Variants in NAV2 observed in about 807,000 individuals in gnomAD.
NAV2 encodes the protein neuron navigator 2.
In NAV2, 54 loss-of-function variants were observed where a neutral mutation model predicts 223.2. The observed-to-expected ratio is 0.24, with a 90% confidence interval of 0.19 to 0.30. The LOEUF (loss-of-function observed/expected upper bound fraction) is 0.30. Ranked by LOEUF, NAV2 falls within the 10% of genes least tolerant of loss-of-function variation. The probability of loss-of-function intolerance (pLI) is 1.00; values close to 1 mark genes in which losing one functional copy is unlikely to be tolerated. For synonymous variants in NAV2, 1,279 were observed against 1,239.3 expected (o/e 1.03, Z -0.67); for missense variants, 2,806 against 3,147.5 (o/e 0.89, Z 2.60).
chr11:19,600,837 CT>C (rs2046332388), intron 1 of NAV2, among the ~76,000 whole-genome samples: 1 of 152,186 alleles, frequency 6.6e-6, no homozygotes, highest in Admixed American at 6.5e-5. Flanking sequence ...CAAGGAGGTT[CT>C]TAGCTGAAGG....
At chr11:19,478,612 A>T (rs1441965127) in intron 1 of NAV2, among the ~76,000 whole-genome samples, 4 of 152,226 alleles carry the variant, frequency 2.6e-5, no homozygotes, top group African/African-American at 7.2e-5. Flanking sequence ...TGCTTCTGCA[A>T]ATACAAAGAT....
intron 1 of NAV2, among the ~76,000 whole-genome samples, chr11:19,543,386 G>A (rs961275044): frequency 2.6e-5 from 4 of 152,140 alleles, no homozygotes; most frequent in South Asian, 2.1e-4. Context: ...GTCAACCAAC[G>A]TAACAGTAAT....
rs143102680 is a variant in NAV2, at chr11:19,816,740, T to C, written c.268-15744T>C. Among the ~76,000 whole-genome samples, 218 of 152,342 alleles carry C rather than the reference T, an allele frequency of 1.4e-3. 1 individual carries two copies. The highest frequency in any genetic ancestry group is 4.9e-3 in the African/African-American group (202 of 41,574). ...CAGGGTTTAAACATTTTGCAATTGA[T>C]CATTCTGAGGTCAGTGCTTTATGGT... On this transcript the variant is annotated intron_variant, in intron 1 of 37. Transcript: ENST00000349880.
chr11:20,094,147 A>G (rs1012861282), intron 29 of NAV2, among the ~76,000 whole-genome samples: 4 of 151,300 alleles, frequency 2.6e-5, no homozygotes, highest in African/African-American at 9.7e-5. Context: ...TATATAGTAG[A>G]TAGCTCCGTT....
chr11:19,920,391 G>C (rs56758426), intron 6 of NAV2, among the ~76,000 whole-genome samples: 1 of 152,098 alleles, frequency 6.6e-6, no homozygotes, highest in Admixed American at 6.5e-5. Context: ...AGGTTCAAGC[G>C]ATTCCCCTGC....
At chr11:20,113,347 A>G (rs568533381) in intron 36 of NAV2, among the ~76,000 whole-genome samples, 1 of 152,294 alleles carries the variant, frequency 6.6e-6, no homozygotes, top group Non-Finnish European at 1.5e-5. Context: ...GCCTATACCT[A>G]GCTGTGTAAT....
rs553773073 is a variant in NAV2, at chr11:20,090,088, A to G, written c.5499-777A>G. Among the ~76,000 whole-genome samples, 5 of 152,324 alleles carry G rather than the reference A, an allele frequency of 3.3e-5. No homozygotes were observed. In the East Asian group the frequency reaches 7.7e-4, roughly 24 times the overall value. On this transcript the variant is annotated intron_variant, in intron 26 of 37. Transcript: ENST00000349880. ...CTAAAGAAGGTTGATCTGTCTAGAC[A>G]CTTTTAGGGGAGTGAGTTTTCAGAA...
chr11:19,703,855 T>A (rs887827196), intron 1 of NAV2, among the ~76,000 whole-genome samples: 7 of 152,222 alleles, frequency 4.6e-5, no homozygotes, highest in African/African-American at 1.7e-4. Flanking sequence ...TCTGATTTCA[T>A]TGGTCCAGGG....
chr11:19,472,850 G>A (rs1449112910), intron 1 of NAV2, among the ~76,000 whole-genome samples: 1 of 152,208 alleles, frequency 6.6e-6, no homozygotes, highest in Admixed American at 6.5e-5. Context: ...GCCTGGTGCT[G>A]TCTACTCACA....
intron 1 of NAV2, among the ~76,000 whole-genome samples, chr11:19,590,505 C>A (rs1363431469): frequency 1.3e-5 from 2 of 152,176 alleles, no homozygotes; most frequent in Non-Finnish European, 2.9e-5. Flanking sequence ...GCAATTGTCC[C>A]AGAGGATCTC....
At chr11:19,868,653 G>T (rs562339536) in intron 3 of NAV2, among the ~76,000 whole-genome samples, 3 of 152,250 alleles carry the variant, frequency 2.0e-5, no homozygotes, top group Admixed American at 6.5e-5. Flanking sequence ...GGATTGCACT[G>T]GTGGTGACAG....
intron 1 of NAV2, among the ~76,000 whole-genome samples, chr11:19,395,525 A>G (rs1327113165): frequency 6.6e-6 from 1 of 152,230 alleles, no homozygotes; most frequent in Non-Finnish European, 1.5e-5. Flanking sequence ...GCATCTGCCC[A>G]GGTCCTGACC....
chr11:19,477,744 G>A (rs1564969076), intron 1 of NAV2, among the ~76,000 whole-genome samples: 1 of 152,110 alleles, frequency 6.6e-6, no homozygotes, highest in African/African-American at 2.4e-5. Flanking sequence ...TATCTTCATG[G>A]CCTCTCCTTG....
intron 1 of NAV2, among the ~76,000 whole-genome samples, chr11:19,453,907 T>C (rs545732230): frequency 6.6e-6 from 1 of 152,334 alleles, no homozygotes; most frequent in South Asian, 2.1e-4. Flanking sequence ...TGAATGCCTT[T>C]ATGTTGGGGG....
intron 3 of NAV2, among the ~76,000 whole-genome samples, chr11:19,850,966 A>G (rs2061084356): frequency 6.6e-6 from 1 of 152,216 alleles, no homozygotes; most frequent in Non-Finnish European, 1.5e-5. Flanking sequence ...GTTGTGATAA[A>G]GAACCTCTCA....
Position 19,879,872 on chromosome 11 carries a change from T to C in NAV2, c.515T>C (p.Ile172Thr). The change falls in exon 5 of 38, where the codon ATC becomes ACC. Residue 172 changes from isoleucine (I) to threonine (T), a missense_variant. Physicochemically the swap from Ile to Thr is moderately conservative, Grantham distance 89. Coordinates refer to ENST00000349880, the MANE Select transcript of NAV2 (RefSeq NM_145117.5). ...GAGTCTCTTTATTGTCTTGCAGAGA[T>C]CAGGAATGGAAACCTCAAGGCCATT... ...INIQGLSAEE[I>T]RNGNLKAILG... The C allele has an allele frequency of 6.2e-7, 1 of 1,613,910 alleles. No homozygotes were observed. The highest frequency in any genetic ancestry group is 8.5e-7 in the Non-Finnish European group (1 of 1,180,012).
At chr11:20,064,496 A>G (rs2058911551) in intron 20 of NAV2, among the ~76,000 whole-genome samples, 2 of 152,128 alleles carry the variant, frequency 1.3e-5, no homozygotes, top group South Asian at 4.1e-4. Flanking sequence ...GGTTTTCCAG[A>G]AGAGTAAAAA....
At chr11:19,477,044 G>T (rs906283969) in intron 1 of NAV2, among the ~76,000 whole-genome samples, 1 of 152,132 alleles carries the variant, frequency 6.6e-6, no homozygotes, top group Non-Finnish European at 1.5e-5. Flanking sequence ...TTCCCAAGGG[G>T]TCCTTTGCCC....
intron 1 of NAV2, among the ~76,000 whole-genome samples, chr11:19,802,999 A>G (rs1463151956): frequency 2.0e-5 from 3 of 152,118 alleles, no homozygotes; most frequent in African/African-American, 7.2e-5. Context: ...CAGGTTTGTC[A>G]TGTTCTTGCA....
Sources: gnomAD v4.1 joint callset for allele counts (sites outside exome capture counted in the v4.1 genomes callset) on GRCh38, gnomAD v4.1.1 for gene constraint, MANE v1.5 for transcripts, NCBI Gene and HGNC (gene_info 2026-07-23, HGNC 2026-07-21) for gene names.